The following ZMAT4 variants were observed in gnomAD, a reference collection of about 807,000 sequenced individuals.
The protein encoded by ZMAT4 is zinc finger matrin-type 4, also known as zinc finger matrin-type protein 4.
Under a neutral mutation model 28.7 loss-of-function variants are expected in ZMAT4, and 17 were observed. That is an observed-to-expected ratio of 0.59 (90% CI 0.41 to 0.89). The LOEUF (loss-of-function observed/expected upper bound fraction) is 0.89. Ranked by LOEUF, ZMAT4 falls within the 40% of genes least tolerant of loss-of-function variation. The pLI, the probability that ZMAT4 is intolerant of heterozygous loss-of-function variation, is 0.00. For synonymous variants in ZMAT4, 117 were observed against 109.2 expected (o/e 1.07, Z -0.44); for missense variants, 240 against 283.8 (o/e 0.85, Z 1.11).
intron 5 of ZMAT4, among the ~76,000 whole-genome samples, chr8:40,584,349 C>T (rs1410903992): frequency 1.3e-5 from 2 of 152,126 alleles, no homozygotes; most frequent in Non-Finnish European, 2.9e-5. Flanking sequence ...AGAGAAGCCT[C>T]CCACACCCTC....
At chr8:40,630,348 G>C (rs966700711) in intron 5 of ZMAT4, among the ~76,000 whole-genome samples, 5 of 152,156 alleles carry the variant, frequency 3.3e-5, no homozygotes, top group African/African-American at 1.2e-4. Context: ...CTTAGAATTG[G>C]TGCGTTTAGT....
At chr8:40,691,815 C>A (rs1009183100) in intron 4 of ZMAT4, among the ~76,000 whole-genome samples, 5 of 152,166 alleles carry the variant, frequency 3.3e-5, no homozygotes, top group Admixed American at 1.3e-4. Flanking sequence ...ACAGTTAAAA[C>A]CACCTGTGAA....
At chr8:40,688,637 T>C (rs1220743076) in intron 4 of ZMAT4, among the ~76,000 whole-genome samples, 1 of 152,074 alleles carries the variant, frequency 6.6e-6, no homozygotes, top group African/African-American at 2.4e-5. Context: ...GAAAATCACT[T>C]AGCAGGAAAT....
At chr8:40,795,010 TAGGAACCTAAGACAA>T (rs1446668194) in intron 2 of ZMAT4, among the ~76,000 whole-genome samples, 2 of 152,096 alleles carry the variant, frequency 1.3e-5, no homozygotes, top group African/African-American at 4.8e-5. Flanking sequence ...TGTCTTAGCT[TAGGAACCTAAGACAA>T]AGCCTCAGAA....
intron 3 of ZMAT4, among the ~76,000 whole-genome samples, chr8:40,751,970 C>G (rs779823031): frequency 3.3e-5 from 5 of 152,180 alleles, no homozygotes; most frequent in Non-Finnish European, 7.3e-5. Context: ...GCTGTGATCT[C>G]TGGGTCTTCC....
chr8:40,581,344 G>T (rs557776178), intron 5 of ZMAT4, 83 bp from the exon 6 acceptor site: 2 of 1,197,978 alleles, frequency 1.7e-6, no homozygotes, highest in African/African-American at 3.0e-5. Flanking sequence ...GAAGTTCAGG[G>T]ACACAGTGTC....
chr8:40,600,721 C>T (rs1202163699), intron 5 of ZMAT4, among the ~76,000 whole-genome samples: 1 of 152,188 alleles, frequency 6.6e-6, no homozygotes, highest in Non-Finnish European at 1.5e-5. Context: ...CATGAGTATG[C>T]AGATCAGATT....
At chr8:40,781,806 A>C (rs1041284226) in intron 2 of ZMAT4, among the ~76,000 whole-genome samples, 1 of 150,858 alleles carries the variant, frequency 6.6e-6, no homozygotes, top group African/African-American at 2.4e-5. Context: ...AGAATCCATA[A>C]ATAAATCCTT....
chr8:40,679,237 T>G (rs1452796011), intron 4 of ZMAT4, among the ~76,000 whole-genome samples: 1 of 152,194 alleles, frequency 6.6e-6, no homozygotes, highest in South Asian at 2.1e-4. Flanking sequence ...TATGTTGTCT[T>G]GAGTAATACT....
chr8:40,862,889 C>T (rs1446763787), intron 1 of ZMAT4, among the ~76,000 whole-genome samples: 2 of 151,600 alleles, frequency 1.3e-5, no homozygotes, highest in African/African-American at 4.9e-5. Context: ...TTAATGGGTG[C>T]AGCACACTGT....
At chr8:40,814,810 G>T (rs534850512) in intron 2 of ZMAT4, among the ~76,000 whole-genome samples, 1 of 151,766 alleles carries the variant, frequency 6.6e-6, no homozygotes, top group African/African-American at 2.4e-5. Flanking sequence ...CATAGTTTTT[G>T]AATTGTGAAT....
chr8:40,711,143 T>C (rs753312123), intron 3 of ZMAT4, among the ~76,000 whole-genome samples: 2 of 152,202 alleles, frequency 1.3e-5, no homozygotes, highest in Admixed American at 1.3e-4. Context: ...AAAAACCTGT[T>C]TGTTCACCTT....
chr8:40,539,169 T>G (rs1802947380), intron 6 of ZMAT4, among the ~76,000 whole-genome samples: 1 of 152,204 alleles, frequency 6.6e-6, no homozygotes, highest in Admixed American at 6.5e-5. Context: ...CTGTGTCCTC[T>G]TCAAGGAAGC....
chr8:40,877,316 G>T (rs546142607), intron 1 of ZMAT4, among the ~76,000 whole-genome samples: 1 of 152,114 alleles, frequency 6.6e-6, no homozygotes, highest in Non-Finnish European at 1.5e-5. Context: ...CCTGGTATGC[G>T]GTACTTCATT....
chr8:40,870,425 T>C (rs901453123), intron 1 of ZMAT4, among the ~76,000 whole-genome samples: 37 of 152,222 alleles, frequency 2.4e-4, no homozygotes, highest in Admixed American at 2.4e-3. Context: ...CTTACGTCAG[T>C]TTAATTTGTA....
At chr8:40,643,188 T>C (rs1377685344) in intron 5 of ZMAT4, among the ~76,000 whole-genome samples, 4 of 152,008 alleles carry the variant, frequency 2.6e-5, no homozygotes, top group Non-Finnish European at 4.4e-5. Context: ...TAAGAACTGA[T>C]CCCAAGCAGT....
chr8:40,578,870 A>ATAC (rs1289552537), intron 6 of ZMAT4, among the ~76,000 whole-genome samples: 3 of 152,196 alleles, frequency 2.0e-5, no homozygotes, highest in African/African-American at 7.2e-5. Flanking sequence ...CAAAATGCAC[A>ATAC]TACTACTCTC....
chr8:40,868,591 G>C (rs1232740263), intron 1 of ZMAT4, among the ~76,000 whole-genome samples: 1 of 152,170 alleles, frequency 6.6e-6, no homozygotes, highest in Admixed American at 6.5e-5. Flanking sequence ...GAAAACAATA[G>C]GAAAGAAAAT....
intron 5 of ZMAT4, among the ~76,000 whole-genome samples, chr8:40,666,547 A>G (rs1808423543): frequency 6.6e-6 from 1 of 152,138 alleles, no homozygotes; most frequent in African/African-American, 2.4e-5. Context: ...AAAAATACAA[A>G]AGGAGGAAAT....
Sources: gnomAD v4.1 joint callset for allele counts (sites outside exome capture counted in the v4.1 genomes callset) on GRCh38, gnomAD v4.1.1 for gene constraint, MANE v1.5 for transcripts, NCBI Gene and HGNC (gene_info 2026-07-23, HGNC 2026-07-21) for gene names.